Variants in LPP observed in about 807,000 individuals in gnomAD.
LPP encodes the protein lipoma-preferred partner.
A neutral mutation model predicts 60.4 loss-of-function variants in LPP; 38 were observed. That is an observed-to-expected ratio of 0.63 (90% CI 0.49 to 0.83). The LOEUF is 0.83. Ranked by LOEUF, LPP falls within the 40% of genes least tolerant of loss-of-function variation. The probability of loss-of-function intolerance (pLI) is 0.00; values close to 1 mark genes in which losing one functional copy is unlikely to be tolerated. For synonymous variants in LPP, 328 were observed against 290.8 expected, an observed-to-expected ratio of 1.13 and a Z score of -1.30; for missense variants, 902 against 783.6, an observed-to-expected ratio of 1.15 and a Z score of -1.80.
At chr3:188,753,796 T>G (rs924604475) in intron 8 of LPP, among the ~76,000 whole-genome samples, 2 of 151,984 alleles carry the variant, frequency 1.3e-5, no homozygotes, top group African/African-American at 4.8e-5. Flanking sequence ...TGTGTATATG[T>G]ATTTGTAGAG....
chr3:188,517,654 ACTT>A (rs1310630374), intron 5 of LPP, among the ~76,000 whole-genome samples: 1 of 152,164 alleles, frequency 6.6e-6, no homozygotes, highest in Non-Finnish European at 1.5e-5. Context: ...GGTGAAGGGC[ACTT>A]CTTACATGGC....
intron 6 of LPP, among the ~76,000 whole-genome samples, chr3:188,557,275 G>A (rs906878487): frequency 6.6e-6 from 1 of 152,042 alleles, no homozygotes; most frequent in African/African-American, 2.4e-5. Flanking sequence ...ACGAATAAAG[G>A]TAACTATTTA....
At chr3:188,499,835 G>A (rs944999418) in intron 5 of LPP, among the ~76,000 whole-genome samples, 13 of 151,872 alleles carry the variant, frequency 8.6e-5, no homozygotes, top group South Asian at 6.2e-4. Flanking sequence ...ATTTATTCAC[G>A]TTAATTTCTA....
chr3:188,624,565 C>T (rs574719107), intron 7 of LPP, among the ~76,000 whole-genome samples: 1 of 152,266 alleles, frequency 6.6e-6, no homozygotes, highest in African/African-American at 2.4e-5. Context: ...CATGGAAGTG[C>T]GAACCTGATC....
intron 2 of LPP, among the ~76,000 whole-genome samples, chr3:188,286,359 G>A (rs966354158): frequency 6.6e-6 from 1 of 152,164 alleles, no homozygotes; most frequent in Non-Finnish European, 1.5e-5. Flanking sequence ...TTATGACCCA[G>A]AGGATGCTGT....
chr3:188,240,959 T>C (rs571270616), intron 2 of LPP, among the ~76,000 whole-genome samples: 1 of 152,348 alleles, frequency 6.6e-6, no homozygotes, highest in African/African-American at 2.4e-5. Context: ...AACTATATGA[T>C]TCTTTTATTT....
chr3:188,622,104 G>T (rs1845915209), intron 7 of LPP, among the ~76,000 whole-genome samples: 1 of 152,152 alleles, frequency 6.6e-6, no homozygotes, highest in African/African-American at 2.4e-5. Context: ...AGCAGCTAGA[G>T]ATTCTGTTGG....
intron 3 of LPP, among the ~76,000 whole-genome samples, chr3:188,388,000 TG>T (rs1188248850): frequency 1.3e-5 from 2 of 152,134 alleles, no homozygotes; most frequent in African/African-American, 4.8e-5. Context: ...TTAAATATGT[TG>T]TTTTTTTGGT....
In LPP at chr3:188,886,804, A is replaced by T. The variant is rs942718117; in HGVS notation, c.*12325A>T. On this transcript the variant is annotated 3_prime_UTR_variant, in exon 12 of 12. Coordinates refer to ENST00000617246, the MANE Select transcript of LPP (RefSeq NM_001375462.1). ...GCTGATCCTTCAGAAAATAAATCTT[A>T]TTTTTAAGCACTTGGGTTTTCAGGC... The T allele has an allele frequency of 4.4e-6, 1 of 229,648 alleles. No individual in the cohort carries two copies. The highest frequency in any genetic ancestry group is 8.6e-6 in the Non-Finnish European group (1 of 116,390). 14.2% of individuals were successfully genotyped at this position (229,648 alleles called of 1,614,324 possible). A position where few individuals can be genotyped will look rare whatever the true frequency, so the allele number is the denominator to read the frequency against.
intron 6 of LPP, among the ~76,000 whole-genome samples, chr3:188,582,078 AC>A (rs1363119427): frequency 6.6e-6 from 1 of 151,282 alleles, no homozygotes; most frequent in East Asian, 1.9e-4. Flanking sequence ...ACCATTCTGA[AC>A]AATTTCACTT....
intron 7 of LPP, among the ~76,000 whole-genome samples, chr3:188,707,704 C>T (rs758387766): frequency 6.6e-6 from 1 of 152,170 alleles, no homozygotes; most frequent in Non-Finnish European, 1.5e-5. Context: ...TACACAACTT[C>T]CACAAGCTCT....
chr3:188,671,626 G>T (rs990462304), intron 7 of LPP, among the ~76,000 whole-genome samples: 1 of 152,118 alleles, frequency 6.6e-6, no homozygotes, highest in South Asian at 2.1e-4. Context: ...CATGAATTCT[G>T]ATAATCAAGG....
At chr3:188,598,753 A>C (rs1472153500) in intron 6 of LPP, among the ~76,000 whole-genome samples, 2 of 152,120 alleles carry the variant, frequency 1.3e-5, no homozygotes. Flanking sequence ...CCTTTAATAT[A>C]AACAAGTAAA....
chr3:188,751,681 T>A (rs901533923), intron 8 of LPP, among the ~76,000 whole-genome samples: 1 of 152,210 alleles, frequency 6.6e-6, no homozygotes, highest in Non-Finnish European at 1.5e-5. Flanking sequence ...AATATTTAAC[T>A]CTGTGGTTGT....
chr3:188,262,570 T>C (rs928448934), intron 2 of LPP, among the ~76,000 whole-genome samples: 1 of 152,128 alleles, frequency 6.6e-6, no homozygotes, highest in Non-Finnish European at 1.5e-5. Context: ...AGATTTAAAA[T>C]AAACTTATCT....
At chr3:188,222,334 A>G (rs2149294621) in intron 1 of LPP, among the ~76,000 whole-genome samples, 1 of 152,352 alleles carries the variant, frequency 6.6e-6, no homozygotes, top group South Asian at 2.1e-4. Flanking sequence ...TTAGAATCAC[A>G]GAACTATAGG....
intron 9 of LPP, among the ~76,000 whole-genome samples, chr3:188,822,845 T>C (rs1754367460): frequency 6.6e-6 from 1 of 152,188 alleles, no homozygotes; most frequent in African/African-American, 2.4e-5. Flanking sequence ...GGACCATATG[T>C]ACAGGAAATT....
At chr3:188,692,012 CA>C (rs1358876337) in intron 7 of LPP, among the ~76,000 whole-genome samples, 2 of 152,142 alleles carry the variant, frequency 1.3e-5, no homozygotes, top group Non-Finnish European at 2.9e-5. Flanking sequence ...ATGGAACCTG[CA>C]AAAAAATCTT....
chr3:188,742,814 A>G (rs1577301298), intron 8 of LPP, among the ~76,000 whole-genome samples: 1 of 152,304 alleles, frequency 6.6e-6, no homozygotes, highest in Admixed American at 6.5e-5. Flanking sequence ...TATTGCATTT[A>G]GATTATACCT....
Sources: allele counts gnomAD v4.1 joint callset (sites outside exome capture counted in the v4.1 genomes callset), GRCh38; gene constraint gnomAD v4.1.1; transcripts MANE v1.5; gene names NCBI Gene and HGNC (gene_info 2026-07-23, HGNC 2026-07-21).